Variants in CTNNA1 observed in about 807,000 individuals in gnomAD.
The protein encoded by CTNNA1 is catenin alpha 1.
In CTNNA1, 37 loss-of-function variants were observed where a neutral mutation model predicts 98.4. That is an observed-to-expected ratio of 0.38 (90% CI 0.29 to 0.49). The LOEUF (loss-of-function observed/expected upper bound fraction) is 0.49. Among genes scored for constraint, CTNNA1 ranks in the 20% least tolerant of loss-of-function variants. The pLI is 0.95. For synonymous variants in CTNNA1, 404 were observed against 413.2 expected, an observed-to-expected ratio of 0.98 and a Z score of 0.27; for missense variants, 761 against 1,147.2, an observed-to-expected ratio of 0.66 and a Z score of 4.86.
At chr5:138,760,784 A>C (rs1244715828) in intron 1 of CTNNA1, among the ~76,000 whole-genome samples, 1 of 152,226 alleles carries the variant, frequency 6.6e-6, no homozygotes, top group Non-Finnish European at 1.5e-5. Context: ...CCTGTGGTAC[A>C]TCAGGGTATT....
At chr5:138,805,702 C>G (rs988833261) in intron 3 of CTNNA1, among the ~76,000 whole-genome samples, 1 of 151,792 alleles carries the variant, frequency 6.6e-6, no homozygotes, top group African/African-American at 2.4e-5. Context: ...CCTCCTGCCT[C>G]AGCCTCTCAA....
At chr5:138,867,032 TAAATC>T (rs2149902292) in intron 7 of CTNNA1, among the ~76,000 whole-genome samples, 1 of 152,350 alleles carries the variant, frequency 6.6e-6, no homozygotes, top group South Asian at 2.1e-4. Context: ...AAATAACTGA[TAAATC>T]AGATGTAGCT....
chr5:138,779,577 A>C (rs1046496497), intron 1 of CTNNA1, among the ~76,000 whole-genome samples: 2 of 152,270 alleles, frequency 1.3e-5, no homozygotes, highest in African/African-American at 4.8e-5. Context: ...TGTGTGGCCC[A>C]GGCTGGTCTC....
At chr5:138,767,149 G>C (rs1287796612) in intron 1 of CTNNA1, among the ~76,000 whole-genome samples, 1 of 151,998 alleles carries the variant, frequency 6.6e-6, no homozygotes, top group Non-Finnish European at 1.5e-5. Flanking sequence ...CCATTCTCCT[G>C]CTCAGCCTCC....
In CTNNA1 at chr5:138,874,890, A is replaced by T. The variant is rs199741027; in HGVS notation, c.1063-11322A>T. On this transcript the variant is annotated intron_variant, in intron 7 of 17. Coordinates refer to ENST00000302763, the MANE Select transcript of CTNNA1 (RefSeq NM_001903.5). The surrounding 1 kb of genome is among the most constrained non-coding windows in gnomAD (Gnocchi z 4.1). ...ATTCCTTGTTGAATGTACAAGACATATAAATGCACAGACTTACCCATTCTT... is the reference window on the plus strand; with the variant it reads ...ATTCCTTGTTGAATGTACAAGACATTTAAATGCACAGACTTACCCATTCTT... The T allele has an allele frequency of 1.2e-6, 2 of 1,610,830 alleles. No individual in the cohort carries two copies.
At chr5:138,764,903 T>C (rs1752758608) in intron 1 of CTNNA1, among the ~76,000 whole-genome samples, 1 of 114,076 alleles carries the variant, frequency 8.8e-6, no homozygotes, top group Non-Finnish European at 1.7e-5. Context: ...GATCTCGCCC[T>C]GTCGCCCATG....
intron 1 of CTNNA1, among the ~76,000 whole-genome samples, chr5:138,780,860 T>C (rs1755011836): frequency 6.6e-6 from 1 of 152,198 alleles, no homozygotes; most frequent in African/African-American, 2.4e-5. Flanking sequence ...TCTAGAAAGT[T>C]TATATTAGTG....
At chr5:138,845,272 C>G (rs1581243025) in intron 7 of CTNNA1, among the ~76,000 whole-genome samples, 1 of 152,176 alleles carries the variant, frequency 6.6e-6, no homozygotes, top group East Asian at 1.9e-4. Context: ...ACATTAAGGA[C>G]TAATGACTGC....
intron 13 of CTNNA1, among the ~76,000 whole-genome samples, chr5:138,927,702 CAG>C (rs1764404679): frequency 7.8e-6 from 1 of 127,660 alleles, no homozygotes; most frequent in Non-Finnish European, 1.8e-5. Flanking sequence ...CAGTGCTTGG[CAG>C]AGAGATAATG....
intron 3 of CTNNA1, among the ~76,000 whole-genome samples, chr5:138,800,720 T>C (rs1757481976): frequency 6.6e-6 from 1 of 152,024 alleles, no homozygotes; most frequent in South Asian, 2.1e-4. Flanking sequence ...GGAGAATCAC[T>C]TGAACCTGGG....
intron 1 of CTNNA1, among the ~76,000 whole-genome samples, chr5:138,765,188 C>A (rs887841741): frequency 7.2e-6 from 1 of 138,018 alleles, no homozygotes; most frequent in African/African-American, 2.5e-5. Context: ...TTACAGGCAC[C>A]CACCACCACG....
At position 138,810,223 on chromosome 5, in the gene CTNNA1, G is replaced by A. The variant is rs1424515766; in HGVS notation, c.468+19G>A. ...GAAAGTTGTAAGTATACAGGCCTAT[G>A]TCTGTAATTTGTTCTATCACAGGAA... On this transcript the variant is annotated intron_variant, in intron 4 of 17. Transcript: ENST00000302763. 5.0e-6 allele frequency: 8 copies of A among 1,602,566 alleles called. No individual in the cohort carries two copies. Among genetic ancestry groups the A allele is most frequent in the Non-Finnish European group, 6.8e-6 (8 of 1,170,098 alleles).
chr5:138,856,043 G>T (rs1228773723), intron 7 of CTNNA1, among the ~76,000 whole-genome samples: 1 of 152,164 alleles, frequency 6.6e-6, no homozygotes, highest in Non-Finnish European at 1.5e-5. Context: ...CCTGAAACTT[G>T]TTGATACATA....
At chr5:138,889,852 A>G (rs1167908990) in intron 9 of CTNNA1, among the ~76,000 whole-genome samples, 1 of 152,208 alleles carries the variant, frequency 6.6e-6, no homozygotes, top group Non-Finnish European at 1.5e-5. Flanking sequence ...GTATAATTGC[A>G]TATGTCCATG....
chr5:138,891,078 T>C (rs176382), intron 9 of CTNNA1: 48,685 of 152,116 alleles, frequency 0.32, 8,036 homozygotes, highest in African/African-American at 0.41. Flanking sequence ...TTTTTATGGT[T>C]GTTACCCAGT....
intron 7 of CTNNA1, among the ~76,000 whole-genome samples, chr5:138,840,265 T>C (rs1762162074): frequency 6.6e-6 from 1 of 152,234 alleles, no homozygotes; most frequent in African/African-American, 2.4e-5. Flanking sequence ...TTTATAGCTT[T>C]CTGTGTCTGC....
In CTNNA1 at chr5:138,874,791, A is replaced by C. The variant is rs1751123774; in HGVS notation, c.1063-11421A>C. The C allele has an allele frequency of 3.8e-6, 4 of 1,058,406 alleles. No individual in the cohort carries two copies. The highest frequency in any genetic ancestry group is 5.7e-6 in the Non-Finnish European group (4 of 706,008). The allele number at this position is 1,058,406 out of a possible 1,614,324, so 65.6% of individuals were successfully genotyped here. On this transcript the variant is annotated intron_variant, in intron 7 of 17. Coordinates refer to ENST00000302763, the MANE Select transcript of CTNNA1 (RefSeq NM_001903.5). This position sits in a 1 kb window ranked among gnomAD's most constrained non-coding sequence, Gnocchi z 4.1. ...TCATCATCGATATATGCTTTTACCT[A>C]AACCTCAAAATCCAAAATATGATGG... is the stretch of plus-strand genomic sequence containing the variant.
intron 7 of CTNNA1, among the ~76,000 whole-genome samples, chr5:138,850,333 A>G (rs561877280): frequency 4.3e-4 from 65 of 152,308 alleles, no homozygotes; most frequent in African/African-American, 1.4e-3. Flanking sequence ...CTTAATTGCA[A>G]TGAACTCTAT....
At position 138,753,510 on chromosome 5, in the gene CTNNA1, G is replaced by C. The variant is rs929036584; in HGVS notation, c.-3G>C. 1 of 378,622 alleles carries C rather than the reference G, an allele frequency of 2.6e-6. No individual in the cohort carries two copies. Among genetic ancestry groups the C allele is most frequent in the African/African-American group, 2.1e-5 (1 of 47,576 alleles). 23.5% of individuals were successfully genotyped at this position (378,622 alleles called of 1,614,324 possible). A position where few individuals can be genotyped will look rare whatever the true frequency, so the allele number is the denominator to read the frequency against. The stretch of plus-strand genomic sequence containing the variant: ...TTTAGCGCTCGCCCAGCTAGCCGCA[G>C]GTAACTTCGTACCTCCCTCCTCGCG... On this transcript the variant is annotated splice_region_variant and 5_prime_UTR_variant, in exon 1 of 18. Transcript: ENST00000302763.
Sources: gnomAD v4.1 joint callset for allele counts (sites outside exome capture counted in the v4.1 genomes callset) on GRCh38, gnomAD v4.1.1 for gene constraint, Gnocchi (gnomAD v3.1) non-coding constraint, MANE v1.5 for transcripts, NCBI Gene and HGNC (gene_info 2026-07-23, HGNC 2026-07-21) for gene names.